Variants in SERF2 observed in about 807,000 individuals in gnomAD.
SERF2 encodes small EDRK-rich factor 2.
A neutral mutation model predicts 10.7 loss-of-function variants in SERF2; 4 were observed. The ratio of observed to expected loss-of-function variants is 0.37; its 90% CI spans 0.18 to 0.86. The LOEUF (loss-of-function observed/expected upper bound fraction) is 0.86, where lower values mean the gene tolerates loss of function less well. SERF2 is among the 40% of genes least tolerant of loss of function. SERF2 has a pLI of 0.43. For synonymous variants in SERF2, 26 were observed against 26.0 expected (o/e 1.00, Z 0.01); for missense variants, 47 against 79.1 (o/e 0.59, Z 1.54).
At chr15:43,780,631 A>C (rs2141666936) in intron 1 of SERF2, among the ~76,000 whole-genome samples, 1 of 152,162 alleles carries the variant, frequency 6.6e-6, no homozygotes, top group South Asian at 2.1e-4. Flanking sequence ...TGTGAATTTG[A>C]CTACTGTAGA....
chr15:43,792,696 CCA>C (rs2087093012), intron 1 of SERF2: 3 of 1,127,246 alleles, frequency 2.7e-6, no homozygotes, highest in South Asian at 3.4e-5. Context: ...CCCAAACCGT[CCA>C]CACACACCTT....
In SERF2 at chr15:43,794,958, T is replaced by A; in HGVS notation, c.*1185T>A. The A allele has an allele frequency of 6.6e-7, 1 of 1,506,974 alleles. No individual in the cohort carries two copies. The highest frequency in any genetic ancestry group is 9.1e-7 in the Non-Finnish European group (1 of 1,101,908). The allele number at this position is 1,506,974 out of a possible 1,614,324, so 93.4% of individuals were successfully genotyped here. A position where few individuals can be genotyped will look rare whatever the true frequency, so the allele number is the denominator to read the frequency against. ...TGGACAGCTCCCCTTGAGCCAACTC[T>A]AGGAGTACAATGTCAGGGGAACCCC... On this transcript the variant is annotated 3_prime_UTR_variant, in exon 3 of 3. Coordinates refer to ENST00000249786, the MANE Select transcript of SERF2 (RefSeq NM_001018108.4).
At chr15:43,790,262 A>G (rs1168464584), upstream of SERF2, among the ~76,000 whole-genome samples, 4 of 151,862 alleles carry the variant, frequency 2.6e-5, no homozygotes, top group Non-Finnish European at 4.4e-5. Context: ...GTGAGCCGAG[A>G]GCATACCACT....
At chr15:43,786,985 G>A (rs1339047418) in intron 2 of SERF2, among the ~76,000 whole-genome samples, 2 of 145,394 alleles carry the variant, frequency 1.4e-5, no homozygotes, top group Non-Finnish European at 3.0e-5. Context: ...AATCTGCTTA[G>A]GCCTGGGTTC....
At chr15:43,785,528 A>C (rs1184797603) in exon 2 of SERF2, 1 of 151,842 alleles carries the variant, frequency 6.6e-6, no homozygotes, top group South Asian at 2.1e-4. Context: ...GTAGCTAAGG[A>C]CTACAGGTGC....
At chr15:43,783,012 T>TG (rs2086976769) in intron 1 of SERF2, among the ~76,000 whole-genome samples, 1 of 146,976 alleles carries the variant, frequency 6.8e-6, no homozygotes, top group Admixed American at 6.8e-5. Flanking sequence ...ACCTGGCTTT[T>TG]TTTTTTTTTT....
At chr15:43,787,852 C>G (rs996441829), upstream of SERF2, among the ~76,000 whole-genome samples, 1 of 151,566 alleles carries the variant, frequency 6.6e-6, no homozygotes, top group African/African-American at 2.4e-5. Flanking sequence ...GCACACACCA[C>G]CACACCTGGC....
chr15:43,789,648 A>G (rs1013427408), upstream of SERF2, among the ~76,000 whole-genome samples: 9 of 152,216 alleles, frequency 5.9e-5, no homozygotes, highest in Non-Finnish European at 1.0e-4. Context: ...GTGCACTGCG[A>G]AACATTTTGA....
In SERF2 at chr15:43,795,007, G is replaced by A; in HGVS notation, c.*1234G>A. 1 of 1,610,318 alleles carries A rather than the reference G, an allele frequency of 6.2e-7. No homozygotes were observed. The highest frequency in any genetic ancestry group is 8.5e-7 in the Non-Finnish European group (1 of 1,179,022). On this transcript the variant is annotated 3_prime_UTR_variant, in exon 3 of 3. Transcript: ENST00000249786. The stretch of plus-strand genomic sequence containing the variant: ...CCAGTTTGTGAAAAGGACTTAGACT[G>A]GAGGATATTTGTTATCTGGGGATAT...
chr15:43,786,656 G>T (rs1423973735), intron 2 of SERF2, among the ~76,000 whole-genome samples: 2 of 152,086 alleles, frequency 1.3e-5, no homozygotes, highest in Non-Finnish European at 2.9e-5. Context: ...AAAACAATAT[G>T]GTAGTTCCCA....
rs982950512 is a variant in SERF2, at chr15:43,795,336, C to T, written c.*1563C>T. On this transcript the variant is annotated 3_prime_UTR_variant, in exon 3 of 3. Coordinates refer to ENST00000249786, the MANE Select transcript of SERF2 (RefSeq NM_001018108.4). ...CTGGAATGGCCTTGAATTGCTCTTT[C>T]CTTAAAATAGCTAGCTCTTCAGGAG... 2.2e-5 allele frequency: 36 copies of T among 1,608,652 alleles called. No homozygotes were observed. In the East Asian group the frequency reaches 7.6e-4, roughly 34 times the overall value.
chr15:43,780,796 A>T (rs1227786822), intron 1 of SERF2, among the ~76,000 whole-genome samples: 1 of 152,176 alleles, frequency 6.6e-6, no homozygotes, highest in Non-Finnish European at 1.5e-5. Flanking sequence ...TTTCTGTCTT[A>T]ATTAAGCACT....
intron 2 of SERF2, among the ~76,000 whole-genome samples, chr15:43,786,701 T>C (rs1487080929): frequency 6.6e-6 from 1 of 152,172 alleles, no homozygotes; most frequent in Non-Finnish European, 1.5e-5. Flanking sequence ...AATGTTACAG[T>C]TGAGGTATCC....
Position 43,793,847 on chromosome 15 carries a change from C to A in SERF2, c.*74C>A. 6.2e-7 allele frequency: 1 copy of A among 1,613,794 alleles called. No individual in the cohort carries two copies. Among genetic ancestry groups the A allele is most frequent in the Non-Finnish European group, 8.5e-7 (1 of 1,179,828 alleles). On this transcript the variant is annotated 3_prime_UTR_variant, in exon 3 of 3. Coordinates refer to ENST00000249786, the MANE Select transcript of SERF2 (RefSeq NM_001018108.4). ...AGCCAGTCCCACCACGCTCGCGTTT[C>A]CTCCTGTAGTGCTCACAGGTCCCAG...
upstream of SERF2, chr15:43,792,215 G>T: frequency 2.9e-6 from 2 of 681,334 alleles, no homozygotes; most frequent in South Asian, 1.6e-5. Flanking sequence ...CACGACCCGT[G>T]GATCCACGTG....
intron 1 of SERF2, chr15:43,792,632 C>T: frequency 7.1e-7 from 1 of 1,416,690 alleles, no homozygotes; most frequent in Non-Finnish European, 9.2e-7. Context: ...GGCCAGCGCC[C>T]CTGTGATAGG....
intron 2 of SERF2, 131 bp from the exon 3 acceptor site, chr15:43,793,579 G>A: frequency 6.4e-7 from 1 of 1,562,274 alleles, no homozygotes; most frequent in Non-Finnish European, 8.7e-7. Flanking sequence ...CTCCTAGGGT[G>A]GGAGTACAGC....
rs199850508 is a variant in SERF2, at chr15:43,793,031, G to A, written c.64G>A (p.Val22Ile). The A allele has an allele frequency of 4.6e-5, 75 of 1,613,238 alleles. No homozygotes were observed. The highest frequency in any genetic ancestry group is 1.8e-4 in the East Asian group (8 of 44,854). ...QKNMKKQSDS[V>I]KGKRRDDGLS... ...GAATATGAAAAAGCAGAGCGACTCGGTTAAGGGAAAGCGCCGAGATGACGG... is the reference window on the plus strand; with the variant it reads ...GAATATGAAAAAGCAGAGCGACTCGATTAAGGGAAAGCGCCGAGATGACGG... Residue 22 changes from valine (V) to isoleucine (I), a missense_variant, in exon 2 of 3, where the codon GTT becomes ATT. Coordinates refer to ENST00000249786, the MANE Select transcript of SERF2 (RefSeq NM_001018108.4).
intron 1 of SERF2, among the ~76,000 whole-genome samples, chr15:43,784,296 C>A (rs1268811321): frequency 6.6e-6 from 1 of 152,068 alleles, no homozygotes; most frequent in Non-Finnish European, 1.5e-5. Context: ...AAGTCTGTAG[C>A]CATTCTGATT....
Sources: gnomAD v4.1 joint callset for allele counts (sites outside exome capture counted in the v4.1 genomes callset) on GRCh38, gnomAD v4.1.1 for gene constraint, MANE v1.5 for transcripts, NCBI Gene and HGNC (gene_info 2026-07-23, HGNC 2026-07-21) for gene names.